NAALADL2: variants seen among roughly 807,000 people sequenced by gnomAD.
The protein encoded by NAALADL2 is N-acetylated alpha-linked acidic dipeptidase like 2.
In NAALADL2, 76 loss-of-function variants were observed where a neutral mutation model predicts 87.2. The ratio of observed to expected loss-of-function variants is 0.87; its 90% CI spans 0.72 to 1.05. The LOEUF is 1.05. Ranked by LOEUF, NAALADL2 falls within the 50% of genes least tolerant of loss-of-function variation. The probability of loss-of-function intolerance (pLI) is 0.00; values close to 1 mark genes in which losing one functional copy is unlikely to be tolerated. For missense variants in NAALADL2, 1,089 were observed against 945.8 expected, an observed-to-expected ratio of 1.15 and a Z score of -1.99; for synonymous variants, 354 against 331.0, an observed-to-expected ratio of 1.07 and a Z score of -0.75.
In NAALADL2 at chr3:174,448,327, G is replaced by A. The variant is rs114946357; in HGVS notation, c.-184+7295G>A. On this transcript the variant is annotated intron_variant, in intron 1 of 3. Transcript: ENST00000434257. ...ATCTCATATGTAGATTCATGTAATCGTCACCATAATCAAGATATAAAGCTA... is the reference window on the plus strand; with the variant it reads ...ATCTCATATGTAGATTCATGTAATCATCACCATAATCAAGATATAAAGCTA... Among the ~76,000 whole-genome samples the A allele has an allele frequency of 1.8e-3, 276 of 152,150 alleles. 1 individual carries two copies. The highest frequency in any genetic ancestry group is 6.3e-3 in the African/African-American group (261 of 41,528).
intron 5 of NAALADL2, among the ~76,000 whole-genome samples, chr3:175,408,037 G>A (rs1270984034): frequency 1.3e-5 from 2 of 151,996 alleles, no homozygotes; most frequent in African/African-American, 2.4e-5. Flanking sequence ...TCACAAAGAC[G>A]AATACTTTAT....
intron 2 of NAALADL2, among the ~76,000 whole-genome samples, chr3:174,589,740 A>G (rs891072688): frequency 2.0e-5 from 3 of 152,218 alleles, no homozygotes; most frequent in African/African-American, 4.8e-5. Flanking sequence ...ATTTTTGATT[A>G]CTAAGTTATA....
At chr3:175,378,894 C>A (rs1485944855) in intron 5 of NAALADL2, among the ~76,000 whole-genome samples, 1 of 152,176 alleles carries the variant, frequency 6.6e-6, no homozygotes, top group African/African-American at 2.4e-5. Context: ...TGCAGGACAT[C>A]ACAGTTAGTC....
At chr3:174,974,780 G>A (rs1399423021) in intron 1 of NAALADL2, among the ~76,000 whole-genome samples, 2 of 152,012 alleles carry the variant, frequency 1.3e-5, no homozygotes, top group Non-Finnish European at 2.9e-5. Context: ...TGATAGGGTG[G>A]GTGGTGGGAG....
chr3:174,957,443 A>G (rs550040485), intron 1 of NAALADL2, among the ~76,000 whole-genome samples: 1 of 152,156 alleles, frequency 6.6e-6, no homozygotes, highest in South Asian at 2.1e-4. Context: ...TTTGATTTTG[A>G]TTAGATTGGA....
At chr3:175,615,359 G>T (rs1004104396) in intron 10 of NAALADL2, among the ~76,000 whole-genome samples, 10 of 151,788 alleles carry the variant, frequency 6.6e-5, no homozygotes, top group African/African-American at 2.2e-4. Context: ...ATACCTTTCT[G>T]AAAAAAATTG....
At chr3:175,389,957 T>C (rs373638454) in intron 5 of NAALADL2, among the ~76,000 whole-genome samples, 2 of 152,246 alleles carry the variant, frequency 1.3e-5, no homozygotes, top group East Asian at 1.9e-4. Flanking sequence ...TGGTACTATA[T>C]GCAAAAAGCA....
At chr3:175,346,061 A>C (rs1763122469) in intron 5 of NAALADL2, among the ~76,000 whole-genome samples, 1 of 152,188 alleles carries the variant, frequency 6.6e-6, no homozygotes. Flanking sequence ...TAATGTTAAA[A>C]ATTCAAGCTG....
intron 5 of NAALADL2, among the ~76,000 whole-genome samples, chr3:175,353,521 G>A (rs748674849): frequency 1.3e-5 from 2 of 152,148 alleles, no homozygotes; most frequent in African/African-American, 4.8e-5. Flanking sequence ...TCAAAGGTGA[G>A]AAGACTAAGA....
chr3:174,779,264 G>A (rs866951178), intron 3 of NAALADL2, among the ~76,000 whole-genome samples: 6 of 151,928 alleles, frequency 3.9e-5, no homozygotes, highest in Non-Finnish European at 7.4e-5. Flanking sequence ...TTTGTTGGCT[G>A]CATAAATGTC....
intron 2 of NAALADL2, among the ~76,000 whole-genome samples, chr3:174,600,241 T>G (rs373154538): frequency 2.6e-5 from 4 of 152,280 alleles, no homozygotes; most frequent in African/African-American, 9.6e-5. Flanking sequence ...GGAAATTAAG[T>G]TGTGCTCAGA....
At chr3:175,260,857 G>A (rs1325806200) in intron 4 of NAALADL2, among the ~76,000 whole-genome samples, 1 of 152,130 alleles carries the variant, frequency 6.6e-6, no homozygotes, top group East Asian at 1.9e-4. Flanking sequence ...ATAATCTGCA[G>A]TCATGAAGGA....
intron 11 of NAALADL2, among the ~76,000 whole-genome samples, chr3:175,697,398 CAG>C (rs1318886339): frequency 1.3e-4 from 16 of 125,622 alleles, no homozygotes; most frequent in African/African-American, 3.9e-4. Flanking sequence ...AAGCTGCACA[CAG>C]ACACACACAC....
chr3:174,597,606 T>C (rs1043212248), intron 2 of NAALADL2, among the ~76,000 whole-genome samples: 1 of 152,210 alleles, frequency 6.6e-6, no homozygotes, highest in African/African-American at 2.4e-5. Flanking sequence ...CATCTCCATA[T>C]TGCAGCTGAA....
intron 5 of NAALADL2, among the ~76,000 whole-genome samples, chr3:175,353,830 T>A (rs1764050122): frequency 1.3e-5 from 2 of 152,236 alleles, no homozygotes; most frequent in South Asian, 4.1e-4. Flanking sequence ...TCAGTGTCTA[T>A]GAGAGAAAGA....
chr3:174,800,354 A>AT (rs1413454398), intron 3 of NAALADL2, among the ~76,000 whole-genome samples: 3 of 152,044 alleles, frequency 2.0e-5, no homozygotes, highest in Admixed American at 2.0e-4. Flanking sequence ...CCATCATATA[A>AT]AGCTCATGCT....
chr3:175,284,753 T>C (rs879057591), intron 4 of NAALADL2, among the ~76,000 whole-genome samples: 2 of 152,112 alleles, frequency 1.3e-5, no homozygotes, highest in Admixed American at 6.6e-5. Flanking sequence ...GTTTTTGTAA[T>C]GTATGACTGG....
intron 1 of NAALADL2, among the ~76,000 whole-genome samples, chr3:175,004,164 A>G (rs149806972): frequency 0.011 from 1,607 of 152,260 alleles, 12 homozygotes; most frequent in Non-Finnish European, 0.018. Flanking sequence ...ATTTGAGCCC[A>G]GGTGTTTGAG....
At chr3:174,713,307 G>A (rs1189385118) in intron 2 of NAALADL2, among the ~76,000 whole-genome samples, 10 of 152,186 alleles carry the variant, frequency 6.6e-5, no homozygotes, top group African/African-American at 1.4e-4. Context: ...ATAGTCCTTT[G>A]GGTATATACC....
Sources: gnomAD v4.1 joint callset for allele counts (sites outside exome capture counted in the v4.1 genomes callset) on GRCh38, gnomAD v4.1.1 for gene constraint, MANE v1.5 for transcripts, NCBI Gene and HGNC (gene_info 2026-07-23, HGNC 2026-07-21) for gene names.